Variants in SH3KBP1 observed in about 807,000 individuals in gnomAD.
SH3KBP1 encodes the protein SH3 domain containing kinase binding protein 1, also known as SH3 domain-containing kinase-binding protein 1.
SH3KBP1 carries 8 observed loss-of-function variants against 50.1 expected under a neutral mutation model. The observed-to-expected ratio is 0.16, with a 90% confidence interval of 0.09 to 0.29. SH3KBP1 has a LOEUF of 0.29. Ranked by LOEUF, SH3KBP1 falls within the 10% of genes least tolerant of loss-of-function variation. The probability of loss-of-function intolerance (pLI) is 1.00; values close to 1 mark genes in which losing one functional copy is unlikely to be tolerated. For missense variants in SH3KBP1, 377 were observed against 535.2 expected, an observed-to-expected ratio of 0.70 and a Z score of 2.92; for synonymous variants, 227 against 218.6, an observed-to-expected ratio of 1.04 and a Z score of -0.34.
chrX:19,585,064 T>A (rs1489071352), intron 12 of SH3KBP1, among the ~76,000 whole-genome samples: 1 of 112,296 alleles, frequency 8.9e-6, no homozygotes, highest in African/African-American at 3.2e-5. Context: ...ATATACAGGT[T>A]GGTTGTTCAA....
At chrX:19,758,198 C>T (rs1182258119) in intron 2 of SH3KBP1, among the ~76,000 whole-genome samples, 1 of 108,934 alleles carries the variant, frequency 9.2e-6, no homozygotes, top group African/African-American at 3.3e-5. Flanking sequence ...TGTGGTGGCA[C>T]GTGCCTGTAA....
intron 9 of SH3KBP1, among the ~76,000 whole-genome samples, chrX:19,596,053 C>T (rs992929555): frequency 1.8e-5 from 2 of 111,961 alleles, no homozygotes; most frequent in Non-Finnish European, 3.8e-5. Context: ...CCAGCCCCTT[C>T]TAGCTCTCTA....
intron 6 of SH3KBP1, among the ~76,000 whole-genome samples, chrX:19,650,103 A>T (rs2062087469): frequency 8.9e-6 from 1 of 111,789 alleles, no homozygotes; most frequent in Non-Finnish European, 1.9e-5. Flanking sequence ...GAGCAGAGAG[A>T]GAGAGAGCTC....
intron 13 of SH3KBP1, among the ~76,000 whole-genome samples, chrX:19,552,815 C>T (rs1352873204): frequency 5.5e-5 from 6 of 110,029 alleles, no homozygotes; most frequent in Admixed American, 1.9e-4. Flanking sequence ...TGTGAACATG[C>T]GGCAAAAGCT....
chrX:19,605,916 T>A (rs757724020), intron 9 of SH3KBP1, among the ~76,000 whole-genome samples: 2 of 112,404 alleles, frequency 1.8e-5, no homozygotes. Flanking sequence ...TTATTTCTAA[T>A]GGCTATTTAT....
intron 11 of SH3KBP1, among the ~76,000 whole-genome samples, chrX:19,590,835 T>TA (rs2066727623): frequency 1.1e-5 from 1 of 89,560 alleles, no homozygotes; most frequent in African/African-American, 4.2e-5. Flanking sequence ...TTTTTTTTTT[T>TA]TTTTTTGGTA....
At chrX:19,842,482 T>C (rs923975510) in intron 1 of SH3KBP1, among the ~76,000 whole-genome samples, 6 of 111,397 alleles carry the variant, frequency 5.4e-5, no homozygotes, top group Non-Finnish European at 1.1e-4. Context: ...GCTGAGATCA[T>C]GCCACTGCAC....
chrX:19,837,523 C>G (rs1260571745), intron 1 of SH3KBP1, among the ~76,000 whole-genome samples: 1 of 92,531 alleles, frequency 1.1e-5, no homozygotes, highest in Admixed American at 1.3e-4. Context: ...GGCTGGACTG[C>G]AGTGGCGCAA....
chrX:19,609,587 T>C (rs894080363), intron 8 of SH3KBP1, among the ~76,000 whole-genome samples: 1 of 111,876 alleles, frequency 8.9e-6, no homozygotes, highest in Non-Finnish European at 1.9e-5. Flanking sequence ...TCAGGGCCCA[T>C]GGAGAACCCA....
chrX:19,593,618 A>G (rs1602593426), intron 10 of SH3KBP1, among the ~76,000 whole-genome samples: 1 of 110,874 alleles, frequency 9.0e-6, no homozygotes, highest in African/African-American at 3.3e-5. Context: ...TAAAAGGGTA[A>G]GAATTTGCCT....
intron 2 of SH3KBP1, among the ~76,000 whole-genome samples, chrX:19,802,933 G>C (rs192792951): frequency 2.7e-5 from 3 of 111,542 alleles, no homozygotes; most frequent in African/African-American, 9.8e-5. Context: ...CTCTCCCACA[G>C]GGCACTGTGT....
chrX:19,574,491 A>C (rs2066136925), intron 12 of SH3KBP1, among the ~76,000 whole-genome samples: 1 of 112,785 alleles, frequency 8.9e-6, no homozygotes, highest in African/African-American at 3.2e-5. Context: ...ACAGTTCTGG[A>C]GGCTGGGAAG....
intron 7 of SH3KBP1, among the ~76,000 whole-genome samples, chrX:19,634,132 G>A (rs192451130): frequency 1.9e-5 from 2 of 103,811 alleles, no homozygotes; most frequent in Admixed American, 1.1e-4. Context: ...CGGAGAGACC[G>A]AGAGACACAG....
chrX:19,598,369 G>A (rs1307651943), intron 9 of SH3KBP1, among the ~76,000 whole-genome samples: 2 of 111,022 alleles, frequency 1.8e-5, no homozygotes, highest in Non-Finnish European at 3.8e-5. Context: ...TGAGATAACA[G>A]GCGTGAGCCA....
At chrX:19,874,336 G>A (rs757338280) in intron 1 of SH3KBP1, among the ~76,000 whole-genome samples, 9 of 94,717 alleles carry the variant, frequency 9.5e-5, no homozygotes, top group African/African-American at 1.2e-4. Flanking sequence ...GTGGGGTTCC[G>A]GGGAGAGAAC....
intron 3 of SH3KBP1, among the ~76,000 whole-genome samples, chrX:19,724,541 T>C (rs2064163966): frequency 8.9e-6 from 1 of 112,234 alleles, no homozygotes; most frequent in Non-Finnish European, 1.9e-5. Context: ...CCATATGGCC[T>C]CTGTAGCAAC....
chrX:19,653,745 C>T lies in SH3KBP1; in HGVS notation c.727-8270G>A, dbSNP rs553039772. ...ATACACACACATATATATACATACA[C>T]ATATATATATGTCTAAATACACACA... On this transcript the variant is annotated intron_variant, in intron 6 of 17. Transcript: ENST00000397821. Among the ~76,000 whole-genome samples the T allele has an allele frequency of 2.7e-4, 27 of 98,940 alleles. No individual in the cohort carries two copies. The South Asian group carries it at 0.013, about 49-fold the overall frequency. 85.9% of individuals were successfully genotyped at this position (98,940 alleles called of 115,157 possible).
chrX:19,656,731 C>T (rs937265019), intron 6 of SH3KBP1, among the ~76,000 whole-genome samples: 1 of 111,562 alleles, frequency 9.0e-6, no homozygotes, highest in Non-Finnish European at 1.9e-5. Flanking sequence ...ATGCTAGTGT[C>T]GAAACGTTTA....
At chrX:19,672,876 GT>G (rs907674624) in intron 6 of SH3KBP1, among the ~76,000 whole-genome samples, 3 of 107,125 alleles carry the variant, frequency 2.8e-5, no homozygotes, top group African/African-American at 1.0e-4. Flanking sequence ...GGCCAACATG[GT>G]GAAACCTCGT....
Sources: gnomAD v4.1 joint callset for allele counts (sites outside exome capture counted in the v4.1 genomes callset) on GRCh38, gnomAD v4.1.1 for gene constraint, MANE v1.5 for transcripts, NCBI Gene and HGNC (gene_info 2026-07-23, HGNC 2026-07-21) for gene names.